MYO16: variants seen among roughly 807,000 people sequenced by gnomAD.
MYO16 encodes unconventional myosin-XVI.
MYO16 carries 94 observed loss-of-function variants against 205.3 expected under a neutral mutation model. The ratio of observed to expected loss-of-function variants is 0.46; its 90% confidence interval spans 0.39 to 0.54. The LOEUF (loss-of-function observed/expected upper bound fraction) is 0.54, where lower values mean the gene tolerates loss of function less well. Ranked by LOEUF, MYO16 falls within the 20% of genes least tolerant of loss-of-function variation. The probability of loss-of-function intolerance (pLI) is 0.00; values close to 1 mark genes in which losing one functional copy is unlikely to be tolerated. For synonymous variants in MYO16, 988 were observed against 954.0 expected (o/e 1.04, Z -0.66); for missense variants, 2,315 against 2,387.5 (o/e 0.97, Z 0.63).
upstream of MYO16, among the ~76,000 whole-genome samples, chr13:108,626,085 C>CT (rs1044983852): frequency 5.3e-4 from 80 of 152,012 alleles, no homozygotes; most frequent in African/African-American, 1.3e-3. Flanking sequence ...ATTGCAGTTT[C>CT]TTTTTTTGTT....
intron 1 of MYO16, among the ~76,000 whole-genome samples, chr13:108,656,904 T>C (rs1326575870): frequency 6.6e-6 from 1 of 152,178 alleles, no homozygotes; most frequent in Non-Finnish European, 1.5e-5. Flanking sequence ...AAACAGGTAC[T>C]CCATCCTAAT....
chr13:109,094,971 G>A (rs983837754), intron 27 of MYO16, among the ~76,000 whole-genome samples: 3 of 152,162 alleles, frequency 2.0e-5, no homozygotes, highest in African/African-American at 7.2e-5. Flanking sequence ...GGCTTTGGCT[G>A]CTATTCCCTG....
the MYO16 span, among the ~76,000 whole-genome samples, chr13:108,559,378 T>C: frequency 2.0e-5 from 3 of 152,086 alleles, no homozygotes; most frequent in African/African-American, 7.2e-5. Context: ...ACACCTTGAC[T>C]TGCATTTCCG....
chr13:108,941,115 G>A (rs922339131), intron 16 of MYO16, among the ~76,000 whole-genome samples: 1 of 152,088 alleles, frequency 6.6e-6, no homozygotes, highest in Non-Finnish European at 1.5e-5. Flanking sequence ...AAACAAAAAC[G>A]AGTGAGACAC....
At chr13:108,862,046 A>G (rs1036439968) in intron 11 of MYO16, among the ~76,000 whole-genome samples, 1 of 152,162 alleles carries the variant, frequency 6.6e-6, no homozygotes, top group Non-Finnish European at 1.5e-5. Flanking sequence ...TTATTATTTT[A>G]GCATTTACAG....
At chr13:109,135,969 T>C (rs1019801392) in intron 31 of MYO16, among the ~76,000 whole-genome samples, 1 of 152,204 alleles carries the variant, frequency 6.6e-6, no homozygotes, top group Non-Finnish European at 1.5e-5. Flanking sequence ...CTCATAAGTG[T>C]GTGCTTGACT....
chr13:109,095,176 CT>C (rs1021664944), intron 27 of MYO16, among the ~76,000 whole-genome samples: 1 of 152,218 alleles, frequency 6.6e-6, no homozygotes, highest in African/African-American at 2.4e-5. Flanking sequence ...CTCATGTTTA[CT>C]TTTTACAGTC....
intron 14 of MYO16, among the ~76,000 whole-genome samples, chr13:108,891,155 T>C (rs1249709872): frequency 1.3e-5 from 2 of 152,242 alleles, no homozygotes; most frequent in Non-Finnish European, 1.5e-5. Context: ...TAGTTAACTT[T>C]ACATTATCAA....
intron 4 of MYO16, among the ~76,000 whole-genome samples, chr13:108,782,257 A>C (rs1886326725): frequency 6.6e-6 from 1 of 152,198 alleles, no homozygotes; most frequent in Non-Finnish European, 1.5e-5. Flanking sequence ...TGAGGAATTT[A>C]TTGGGAACTG....
At chr13:109,003,723 G>GA (rs1287953582) in intron 21 of MYO16, among the ~76,000 whole-genome samples, 1 of 151,976 alleles carries the variant, frequency 6.6e-6, no homozygotes, top group Non-Finnish European at 1.5e-5. Flanking sequence ...ATATTAGTAC[G>GA]AAAAAAACAA....
chr13:109,127,359 A>G lies in MYO16; in HGVS notation c.3860A>G (p.Gln1287Arg), dbSNP rs769842455. 3 of 1,613,614 alleles carry G rather than the reference A, an allele frequency of 1.9e-6. No homozygotes were observed. Among genetic ancestry groups the G allele is most frequent in the South Asian group, 1.1e-5 (1 of 90,952 alleles). ...TGCGCGGCCGTGGATGGCCTGGGCC[A>G]GTGCCTCGTTGGCCCGTCCATCTGG... ...SVCAAVDGLG[Q>R]CLVGPSIWSP... The change falls in exon 31 of 35, where the codon CAG becomes CGG. Residue 1287 changes from glutamine (Q) to arginine (R), a missense_variant. Around this residue, in one of 3 missense-constraint regions of MYO16, gnomAD observed 1,097 missense variants for 1,092.0 expected, o/e 1.00. Coordinates refer to ENST00000457511, the MANE Select transcript of MYO16 (RefSeq NM_001198950.3). The surrounding 1 kb of genome is among the most constrained non-coding windows in gnomAD (Gnocchi z 4.2).
intron 4 of MYO16, among the ~76,000 whole-genome samples, chr13:108,780,560 T>C (rs1337929): frequency 0.34 from 51,428 of 151,838 alleles, 9,861 homozygotes; most frequent in East Asian, 0.63. Context: ...AGTAGGAGTA[T>C]AGTGATTTTG....
rs1442914046 is a variant in MYO16 at position 109,078,603 on chromosome 13, ATAG to A, written c.3336-22179_3336-22177del. ...TCTTTGCATGCCTGGTAATTTTTGA[ATAG>A]TACCAGAGTTTTAATTTGTCCAGTG... On this transcript the variant is annotated intron_variant, in intron 27 of 34. Coordinates refer to ENST00000457511, the MANE Select transcript of MYO16 (RefSeq NM_001198950.3). Among the ~76,000 whole-genome samples, 4 of 152,220 alleles carry A rather than the reference ATAG, an allele frequency of 2.6e-5. No individual in the cohort carries two copies. The East Asian group carries it at 7.7e-4, about 29-fold the overall frequency.
the MYO16 span, among the ~76,000 whole-genome samples, chr13:108,507,144 AT>A: frequency 6.6e-6 from 1 of 152,020 alleles, no homozygotes; most frequent in African/African-American, 2.4e-5. Flanking sequence ...GACTTAAAAT[AT>A]TTTCAACTTA....
At position 109,179,568 on chromosome 13, in the gene MYO16, C is replaced by A; in HGVS notation, c.5350C>A (p.Arg1784=). 1 of 1,613,876 alleles carries A rather than the reference C, an allele frequency of 6.2e-7. No homozygotes were observed. Among genetic ancestry groups the A allele is most frequent in the Non-Finnish European group, 8.5e-7 (1 of 1,179,776 alleles). ...NGLPEEDGYS[R]LSISGTGTST... ...TTTACCTGAAGAAGATGGATACTCA[C>A]GGTTGTCTATAAGTGGCACAGGGAC... is the stretch of plus-strand genomic sequence containing the variant. Residue 1784 remains arginine (R), a synonymous_variant, in exon 34 of 35, where the codon CGG becomes AGG. Coordinates refer to ENST00000457511, the MANE Select transcript of MYO16 (RefSeq NM_001198950.3).
intron 6 of MYO16, among the ~76,000 whole-genome samples, chr13:108,804,422 T>C (rs931940027): frequency 7.2e-5 from 11 of 152,214 alleles, no homozygotes; most frequent in African/African-American, 2.7e-4. Context: ...ATCAACACTG[T>C]TGCAGTTGGG....
chr13:109,089,317 G>A (rs1025292908), intron 27 of MYO16, among the ~76,000 whole-genome samples: 1 of 151,864 alleles, frequency 6.6e-6, no homozygotes, highest in Non-Finnish European at 1.5e-5. Context: ...GGGTTCCAGC[G>A]ATTCTCCTGA....
intron 27 of MYO16, among the ~76,000 whole-genome samples, chr13:109,096,584 A>T (rs986701883): frequency 2.0e-5 from 3 of 152,186 alleles, no homozygotes; most frequent in African/African-American, 7.2e-5. Context: ...GGAGGATGTG[A>T]GGTGATATGA....
At chr13:109,069,859 C>T (rs904866091) in intron 27 of MYO16, among the ~76,000 whole-genome samples, 1 of 152,084 alleles carries the variant, frequency 6.6e-6, no homozygotes, top group African/African-American at 2.4e-5. Context: ...GTCCATAACA[C>T]TTATCTCAAT....
Sources: allele counts gnomAD v4.1 joint callset (sites outside exome capture counted in the v4.1 genomes callset), GRCh38; gene constraint gnomAD v4.1.1; regional missense constraint gnomAD v4.1.1; non-coding constraint Gnocchi (gnomAD v3.1); transcripts MANE v1.5; gene names NCBI Gene and HGNC (gene_info 2026-07-23, HGNC 2026-07-21).